The following BZW2 variants were observed in gnomAD, a reference collection of about 807,000 sequenced individuals.
The protein encoded by BZW2 is eIF5-mimic protein 1.
In BZW2, 23 loss-of-function variants were observed where a neutral mutation model predicts 53.2. That is an observed-to-expected ratio of 0.43 (90% CI 0.31 to 0.61). The LOEUF (loss-of-function observed/expected upper bound fraction) is 0.61. Among genes scored for constraint, BZW2 ranks in the 20% least tolerant of loss-of-function variants. The pLI, the probability that BZW2 is intolerant of heterozygous loss-of-function variation, is 0.09. For synonymous variants in BZW2, 227 were observed against 186.4 expected (o/e 1.22, Z -1.77); for missense variants, 409 against 503.1 (o/e 0.81, Z 1.79).
chr7:16,693,241 TC>T (rs1227941981), intron 7 of BZW2, among the ~76,000 whole-genome samples: 1 of 152,146 alleles, frequency 6.6e-6, no homozygotes, highest in Non-Finnish European at 1.5e-5. Flanking sequence ...CGGTATGGTT[TC>T]TCTAAAAAAA....
intron 2 of BZW2, among the ~76,000 whole-genome samples, chr7:16,670,304 A>G (rs1245514518): frequency 6.6e-6 from 1 of 152,168 alleles, no homozygotes; most frequent in Non-Finnish European, 1.5e-5. Context: ...CTTTTTACAA[A>G]CAAGTTTTTA....
At chr7:16,659,253 T>G (rs1420934990) in intron 1 of BZW2, among the ~76,000 whole-genome samples, 1 of 152,214 alleles carries the variant, frequency 6.6e-6, no homozygotes, top group Non-Finnish European at 1.5e-5. Flanking sequence ...AATTTTAATT[T>G]TTTTTCAATT....
intron 1 of BZW2, among the ~76,000 whole-genome samples, chr7:16,646,882 G>T (rs931625161): frequency 6.6e-6 from 1 of 152,170 alleles, no homozygotes; most frequent in African/African-American, 2.4e-5. Context: ...CCTGTGGGAG[G>T]GGGAAGGAAG....
At chr7:16,681,177 A>G in intron 3 of BZW2, 124 bp from the exon 4 acceptor site, 2 of 770,964 alleles carry the variant, frequency 2.6e-6, no homozygotes, top group Non-Finnish European at 4.1e-6. Context: ...TTGAAATTTT[A>G]TGTGACTCTT....
chr7:16,680,388 T>C (rs1308309301), intron 3 of BZW2, among the ~76,000 whole-genome samples: 1 of 152,208 alleles, frequency 6.6e-6, no homozygotes, highest in Non-Finnish European at 1.5e-5. Context: ...ATTAAGAATA[T>C]ACTTTGGAAA....
intron 2 of BZW2, among the ~76,000 whole-genome samples, chr7:16,667,228 C>T (rs1443835638): frequency 6.6e-6 from 1 of 151,156 alleles, no homozygotes; most frequent in Non-Finnish European, 1.5e-5. Context: ...GGTCAGTGAG[C>T]CGACATTGCA....
At chr7:16,656,829 G>C (rs1782137586) in intron 1 of BZW2, among the ~76,000 whole-genome samples, 1 of 152,112 alleles carries the variant, frequency 6.6e-6, no homozygotes, top group Non-Finnish European at 1.5e-5. Context: ...TTTTGAATGG[G>C]TTATTAGCTA....
intron 3 of BZW2, among the ~76,000 whole-genome samples, chr7:16,677,330 CACCT>C (rs1782796927): frequency 6.6e-6 from 1 of 152,136 alleles, no homozygotes; most frequent in Non-Finnish European, 1.5e-5. Context: ...TGGATGTGGT[CACCT>C]TCCCAGCTAG....
Position 16,676,010 on chromosome 7 carries a change from G to A in BZW2, c.235+1422G>A, listed in dbSNP as rs191328843. On this transcript the variant is annotated intron_variant, in intron 3 of 11. Transcript: ENST00000258761. Reference sequence around the variant, plus strand: ...GCAGGAGAATCACTTGAACCTAGAAGGCAGAGGTTACAGTGAGCTGAGATC... The same window carrying A: ...GCAGGAGAATCACTTGAACCTAGAAAGCAGAGGTTACAGTGAGCTGAGATC... 3.9e-3 allele frequency among the ~76,000 whole-genome samples: 599 copies of A among 152,032 alleles called. 3 individuals are homozygous for A. The highest frequency in any genetic ancestry group is 0.014 in the Middle Eastern group (4 of 290).
intron 7 of BZW2, among the ~76,000 whole-genome samples, chr7:16,691,007 G>A (rs1202537381): frequency 6.6e-6 from 1 of 152,144 alleles, no homozygotes; most frequent in South Asian, 2.1e-4. Flanking sequence ...ATAATTCTAA[G>A]ACTATCTCTT....
At chr7:16,677,283 C>T (rs1402860943) in intron 3 of BZW2, among the ~76,000 whole-genome samples, 2 of 152,112 alleles carry the variant, frequency 1.3e-5, no homozygotes, top group Non-Finnish European at 2.9e-5. Flanking sequence ...CCTGATTGGT[C>T]GGGTGTGAGC....
At chr7:16,694,096 G>T (rs1389122255) in intron 7 of BZW2, among the ~76,000 whole-genome samples, 14 of 152,166 alleles carry the variant, frequency 9.2e-5, no homozygotes, top group Non-Finnish European at 1.3e-4. Flanking sequence ...AACTCACCCA[G>T]GATTAGATCA....
Position 16,674,512 on chromosome 7 carries a change from C to G in BZW2, c.159C>G (p.Asp53Glu). 2 of 1,613,062 alleles carry G rather than the reference C, an allele frequency of 1.2e-6. No homozygotes were observed. Among genetic ancestry groups the G allele is most frequent in the Non-Finnish European group, 1.7e-6 (2 of 1,179,332 alleles). Residue 53 changes from aspartate (D) to glutamate (E), a missense_variant, in exon 3 of 12, where the codon GAC (aspartate) becomes GAG (glutamate). This residue lies in a region of BZW2 where 316 missense variants were observed against 366.8 expected (regional missense o/e 0.86). Coordinates refer to ENST00000258761, the MANE Select transcript of BZW2 (RefSeq NM_014038.3). ...TTGAAGCTGTAGCCAAATTTCTGGACTCTACAGGCTCAAGATTAGATTATC... is the reference window on the plus strand; with the variant it reads ...TTGAAGCTGTAGCCAAATTTCTGGAGTCTACAGGCTCAAGATTAGATTATC... ...DDLEAVAKFL[D>E]STGSRLDYRR...
chr7:16,686,798 T>A (rs1783140645), intron 6 of BZW2: 1 of 152,210 alleles, frequency 6.6e-6, no homozygotes, highest in Admixed American at 6.5e-5. Flanking sequence ...GTCATAGTTT[T>A]CTTGTAGCTA....
intron 3 of BZW2, among the ~76,000 whole-genome samples, chr7:16,679,474 G>T (rs1211266352): frequency 1.3e-5 from 2 of 152,188 alleles, no homozygotes. Flanking sequence ...TCTTGAAGGG[G>T]CTGACTTCTC....
chr7:16,658,503 CT>C (rs1782171567), intron 1 of BZW2, among the ~76,000 whole-genome samples: 1 of 151,996 alleles, frequency 6.6e-6, no homozygotes, highest in Non-Finnish European at 1.5e-5. Flanking sequence ...CTCATGGTGC[CT>C]TTATGTTTTC....
chr7:16,671,534 C>G (rs114499082), intron 2 of BZW2, among the ~76,000 whole-genome samples: 2,788 of 152,088 alleles, frequency 0.018, 71 homozygotes, highest in African/African-American at 0.063. Flanking sequence ...TTGTTTTTTC[C>G]CTCTTGCCTG....
chr7:16,655,966 A>G lies in BZW2; in HGVS notation c.-7-9471A>G, dbSNP rs566138692. Among the ~76,000 whole-genome samples the G allele has an allele frequency of 5.3e-5, 8 of 152,138 alleles. No individual in the cohort carries two copies. The South Asian group carries it at 1.7e-3, about 31-fold the overall frequency. On this transcript the variant is annotated intron_variant, in intron 1 of 11. Coordinates refer to ENST00000258761, the MANE Select transcript of BZW2 (RefSeq NM_014038.3). ...TCTTCAGTATTTATTCTGTAAAAAT[A>G]AGATACTTTTCTTACAGAACCACAG... is the stretch of plus-strand genomic sequence containing the variant.
chr7:16,658,419 T>C (rs1415369772), intron 1 of BZW2, among the ~76,000 whole-genome samples: 4 of 152,178 alleles, frequency 2.6e-5, no homozygotes, highest in Non-Finnish European at 5.9e-5. Context: ...CATTCAAGCA[T>C]TTACAACTTA....
Sources: allele counts gnomAD v4.1 joint callset (sites outside exome capture counted in the v4.1 genomes callset), GRCh38; gene constraint gnomAD v4.1.1; regional missense constraint gnomAD v4.1.1; transcripts MANE v1.5; gene names NCBI Gene and HGNC (gene_info 2026-07-23, HGNC 2026-07-21).